The following SLC38A9 variants were observed in gnomAD, a reference collection of about 807,000 sequenced individuals.
SLC38A9 encodes neutral amino acid transporter 9.
Under a neutral mutation model 62.3 loss-of-function variants are expected in SLC38A9, and 48 were observed. The observed-to-expected ratio is 0.77, with a 90% CI of 0.61 to 0.98. SLC38A9 has a LOEUF of 0.98. Ranked by LOEUF, SLC38A9 falls within the 50% of genes least tolerant of loss-of-function variation. SLC38A9 has a pLI of 0.00. For synonymous variants in SLC38A9, 204 were observed against 227.7 expected (o/e 0.90, Z 0.94); for missense variants, 541 against 679.8 (o/e 0.80, Z 2.27).
chr5:55,655,478 A>T (rs1460946515), intron 9 of SLC38A9, among the ~76,000 whole-genome samples: 2 of 152,208 alleles, frequency 1.3e-5, no homozygotes, highest in Non-Finnish European at 2.9e-5. Context: ...TGAAGTAAGG[A>T]ATAGGGCACA....
intron 11 of SLC38A9, among the ~76,000 whole-genome samples, chr5:55,646,729 T>C (rs1031486905): frequency 6.6e-6 from 1 of 152,148 alleles, no homozygotes; most frequent in African/African-American, 2.4e-5. Flanking sequence ...TGAAATAGCA[T>C]ACATACTGTG....
intron 14 of SLC38A9, among the ~76,000 whole-genome samples, chr5:55,631,219 A>C (rs1743382037): frequency 6.6e-6 from 1 of 152,202 alleles, no homozygotes; most frequent in South Asian, 2.1e-4. Context: ...AAGCTCCTGG[A>C]GTCCTCAATA....
chr5:55,671,910 C>T (rs1015740091), intron 4 of SLC38A9, among the ~76,000 whole-genome samples: 9 of 152,154 alleles, frequency 5.9e-5, no homozygotes, highest in African/African-American at 2.2e-4. Context: ...GGCACAATCA[C>T]AGCTCACTGC....
intron 10 of SLC38A9, among the ~76,000 whole-genome samples, 172 bp downstream of exon 10, chr5:55,652,357 C>CAAAAAAAAAAAAAAAAAAAAAAAA (rs60557392): frequency 1.8e-5 from 1 of 56,180 alleles, no homozygotes; most frequent in Non-Finnish European, 3.2e-5. Context: ...AACTCCGTCT[C>CAAAAAAAAAAAAAAAAAAAAAAAA]AAAAAAAAAA....
intron 8 of SLC38A9, among the ~76,000 whole-genome samples, chr5:55,657,096 C>T (rs903255635): frequency 2.6e-5 from 4 of 152,096 alleles, no homozygotes; most frequent in Admixed American, 6.6e-5. Flanking sequence ...CTCCTGACTT[C>T]GTGATCCACC....
chr5:55,645,275 G>A (rs905061174), intron 12 of SLC38A9, among the ~76,000 whole-genome samples: 10 of 152,018 alleles, frequency 6.6e-5, no homozygotes, highest in African/African-American at 2.4e-4. Context: ...GGCTGGTCTC[G>A]AATTCCTGGG....
At chr5:55,636,591 T>C (rs1208398290) in intron 12 of SLC38A9, among the ~76,000 whole-genome samples, 1 of 152,170 alleles carries the variant, frequency 6.6e-6, no homozygotes, top group Admixed American at 6.5e-5. Flanking sequence ...GATAGCACAA[T>C]AAAAAAACTG....
chr5:55,689,557 C>G (rs1237704372), intron 3 of SLC38A9, among the ~76,000 whole-genome samples: 3 of 152,130 alleles, frequency 2.0e-5, no homozygotes, highest in African/African-American at 7.2e-5. Flanking sequence ...ACACTAAAAC[C>G]CTTTTGACTA....
intron 14 of SLC38A9, 132 bp from the exon 15 acceptor site, chr5:55,628,112 G>A: frequency 3.3e-6 from 2 of 607,776 alleles, no homozygotes; most frequent in Admixed American, 2.9e-5. Flanking sequence ...TAAAATCACA[G>A]CAAAAATAGA....
In SLC38A9 at chr5:55,626,656, A is replaced by G. The variant is rs1235327589; in HGVS notation, c.1524T>C (p.Tyr508=). ...FYPNIGGIIR[Y]SGAACGLAFV... ...AGGCCAGTCCACATGCTGCTCCTGA[A>G]TATCTGCAAAATAAAAGCTTTTGGG... The change falls in exon 16 of 16, where the codon TAT becomes TAC. Residue 508 remains tyrosine (Y), a synonymous_variant. Coordinates refer to ENST00000396865, the MANE Select transcript of SLC38A9 (RefSeq NM_173514.4). 9 of 1,594,846 alleles carry G rather than the reference A, an allele frequency of 5.6e-6. No individual in the cohort carries two copies. The highest frequency in any genetic ancestry group is 6.8e-6 in the Non-Finnish European group (8 of 1,173,850).
chr5:55,643,128 G>A (rs567546763), intron 12 of SLC38A9, among the ~76,000 whole-genome samples: 15 of 152,260 alleles, frequency 9.9e-5, no homozygotes, highest in African/African-American at 3.6e-4. Context: ...TGTTTGCCTT[G>A]GGTTTAGTTT....
chr5:55,636,881 A>C (rs571790359), intron 12 of SLC38A9, among the ~76,000 whole-genome samples: 1 of 152,296 alleles, frequency 6.6e-6, no homozygotes, highest in African/African-American at 2.4e-5. Context: ...ATTGCTTAGG[A>C]ATGAGGAAGA....
intron 12 of SLC38A9, among the ~76,000 whole-genome samples, chr5:55,642,913 C>T (rs1407926915): frequency 6.6e-6 from 1 of 152,192 alleles, no homozygotes; most frequent in African/African-American, 2.4e-5. Flanking sequence ...AAGGTTTTTG[C>T]CTTCTTAATG....
chr5:55,645,591 C>T (rs544246903), intron 12 of SLC38A9, among the ~76,000 whole-genome samples, 198 bp downstream of exon 12: 2 of 152,192 alleles, frequency 1.3e-5, no homozygotes, highest in East Asian at 3.8e-4. Context: ...AACCATAAGG[C>T]CTACAAGGCC....
intron 3 of SLC38A9, among the ~76,000 whole-genome samples, chr5:55,674,947 C>T (rs1285755103): frequency 2.0e-5 from 3 of 152,184 alleles, no homozygotes; most frequent in African/African-American, 7.2e-5. Flanking sequence ...TGGGGTCACA[C>T]TCTATAGTGC....
At chr5:55,652,908 C>T (rs953088571) in intron 9 of SLC38A9, among the ~76,000 whole-genome samples, 185 bp from the exon 10 acceptor site, 2 of 152,160 alleles carry the variant, frequency 1.3e-5, no homozygotes, top group African/African-American at 4.8e-5. Context: ...AGGACTCTTT[C>T]ACCTAAAAAT....
intron 3 of SLC38A9, chr5:55,691,177 C>G: frequency 1.2e-6 from 1 of 828,336 alleles, no homozygotes; most frequent in Non-Finnish European, 2.0e-6. Flanking sequence ...TTGGTTAGGA[C>G]TTCATATTTA....
intron 2 of SLC38A9, among the ~76,000 whole-genome samples, chr5:55,700,340 T>C (rs1756476775): frequency 1.2e-5 from 1 of 81,146 alleles, no homozygotes; most frequent in African/African-American, 3.9e-5. Flanking sequence ...GAGACCCCAA[T>C]TAAAAAAAAT....
At chr5:55,686,128 T>C (rs577418318) in intron 3 of SLC38A9, among the ~76,000 whole-genome samples, 2 of 152,314 alleles carry the variant, frequency 1.3e-5, no homozygotes, top group South Asian at 4.1e-4. Context: ...TTATATTCCT[T>C]TGGGTATATA....
Sources: gnomAD v4.1 joint callset for allele counts (sites outside exome capture counted in the v4.1 genomes callset) on GRCh38, gnomAD v4.1.1 for gene constraint, MANE v1.5 for transcripts, NCBI Gene and HGNC (gene_info 2026-07-23, HGNC 2026-07-21) for gene names.